The following TARDBP variants were observed in gnomAD, a reference collection of about 807,000 sequenced individuals.
TARDBP encodes TAR DNA binding protein, also known as TAR DNA-binding protein 43.
In TARDBP, 4 loss-of-function variants were observed where a neutral mutation model predicts 38.3. The observed-to-expected ratio is 0.10, with a 90% CI of 0.05 to 0.24. The LOEUF is 0.24. Among genes scored for constraint, TARDBP ranks in the 10% least tolerant of loss-of-function variants. The pLI, the probability that TARDBP is intolerant of heterozygous loss-of-function variation, is 1.00. For synonymous variants in TARDBP, 184 were observed against 183.8 expected (o/e 1.00, Z -0.01); for missense variants, 202 against 521.9 (o/e 0.39, Z 5.97).
chr1:11,013,848 C>A lies in TARDBP; in HGVS notation c.121C>A (p.Leu41Ile). Reference protein sequence around the residue: ...VTAQFPGACGLRYRNPVSQCM... With the variant: ...VTAQFPGACGIRYRNPVSQCM... Reference sequence around the variant, plus strand: ...AGCCCAGTTTCCAGGGGCGTGTGGGCTTCGCTACAGGAATCCAGTGTCTCA... The same window carrying A: ...AGCCCAGTTTCCAGGGGCGTGTGGGATTCGCTACAGGAATCCAGTGTCTCA... The change falls in exon 2 of 6, where the codon CTT becomes ATT. Residue 41 changes from leucine (L) to isoleucine (I), a missense_variant. Physicochemically the swap from Leu to Ile is conservative, Grantham distance 5. Transcript: ENST00000240185. 1 of 1,614,042 alleles carries A rather than the reference C, an allele frequency of 6.2e-7. No individual in the cohort carries two copies. Among genetic ancestry groups the A allele is most frequent in the Non-Finnish European group, 8.5e-7 (1 of 1,179,958 alleles).
At chr1:11,029,657 T>TG, downstream of TARDBP, 1 of 145,280 alleles carries the variant, frequency 6.9e-6, no homozygotes, top group South Asian at 2.2e-4. Flanking sequence ...TTTTTTTTTT[T>TG]GGATATGGAA....
Position 11,019,020 on chromosome 1 carries a change from A to G in TARDBP, c.543+147A>G, listed in dbSNP as rs2273348. The G allele has an allele frequency of 0.76, 745,224 of 982,510 alleles. 293,039 individuals carry two copies. The highest frequency in any genetic ancestry group is 0.82 in the Non-Finnish European group (507,036 of 620,072). The allele number at this position is 982,510 out of a possible 1,614,324, so 60.9% of individuals were successfully genotyped here. ...TGTTGAAGTCTTTGGCCCTTAGTGC[A>G]TGCTGAATATTTTATGCTTGTTTGA... On this transcript the variant is annotated intron_variant, in intron 4 of 5. Transcript: ENST00000240185.
In TARDBP at chr1:11,017,906, G is replaced by A. The variant is rs563793948; in HGVS notation, c.403-827G>A. ...CTCTTTTTTCTTTTTTTTTTGAGAC[G>A]GAGTCTTGCTCTGTCACCCAGGCTG... On this transcript the variant is annotated intron_variant, in intron 3 of 5. Transcript: ENST00000240185. 4.6e-4 allele frequency among the ~76,000 whole-genome samples: 69 copies of A among 149,730 alleles called. 1 individual carries two copies. The South Asian group carries it at 9.3e-3, about 20-fold the overall frequency.
intron 2 of TARDBP, 43 bp from the exon 3 acceptor site, chr1:11,016,801 G>T: frequency 6.2e-7 from 1 of 1,600,950 alleles, no homozygotes; most frequent in Non-Finnish European, 8.5e-7. Context: ...TTAAAGAAGT[G>T]CTAAGTGAAG....
At chr1:11,014,949 A>G (rs1011772042) in intron 2 of TARDBP, among the ~76,000 whole-genome samples, 37 of 152,034 alleles carry the variant, frequency 2.4e-4, no homozygotes, top group African/African-American at 6.8e-4. Flanking sequence ...AACAAAAAAA[A>G]ACGAAAACAA....
intron 2 of TARDBP, among the ~76,000 whole-genome samples, chr1:11,014,738 A>G (rs534712185): frequency 1.1e-4 from 16 of 152,284 alleles, no homozygotes; most frequent in African/African-American, 3.1e-4. Context: ...CAGGAGTTTG[A>G]GATGAGCCTG....
At chr1:11,016,712 T>TC in intron 2 of TARDBP, 132 bp from the exon 3 acceptor site, 1 of 935,892 alleles carries the variant, frequency 1.1e-6, no homozygotes, top group Non-Finnish European at 1.6e-6. Context: ...AAACATCACT[T>TC]CTTGCCAAGT....
At chr1:11,026,682 A>G (rs1643737985), downstream of TARDBP, 2 of 402,612 alleles carry the variant, frequency 5.0e-6, no homozygotes, top group African/African-American at 2.1e-5. Context: ...CTCGTGGTTT[A>G]TGTCCCCTTG....
intron 1 of TARDBP, 37 bp downstream of exon 1, chr1:11,012,780 G>A (rs1312187500): frequency 6.6e-6 from 1 of 152,372 alleles, no homozygotes; most frequent in Non-Finnish European, 1.5e-5. Flanking sequence ...GACGCCGTAG[G>A]TGCCTCGGCT....
At chr1:11,027,175 G>T, downstream of TARDBP, 1 of 1,614,140 alleles carries the variant, frequency 6.2e-7, no homozygotes, top group Non-Finnish European at 8.5e-7. Flanking sequence ...TCAACAATCG[G>T]TATGTCGACA....
chr1:11,029,118 G>A (rs556948319), downstream of TARDBP, among the ~76,000 whole-genome samples: 33 of 149,546 alleles, frequency 2.2e-4, no homozygotes, highest in African/African-American at 7.4e-4. Context: ...TCAGCCTCCC[G>A]AGTAGCTGGG....
downstream of TARDBP, chr1:11,025,833 C>A (rs377398962): frequency 6.6e-4 from 102 of 154,860 alleles, no homozygotes; most frequent in African/African-American, 2.3e-3. Flanking sequence ...GTTAACTACT[C>A]CGTAATCCAA....
chr1:11,024,470 G>A lies in TARDBP; in HGVS notation c.*1816G>A, dbSNP rs537965776. 5.9e-5 allele frequency: 9 copies of A among 152,646 alleles called. No homozygotes were observed. In the East Asian group the frequency reaches 1.5e-3, roughly 26 times the overall value. 9.5% of individuals were successfully genotyped at this position (152,646 alleles called of 1,614,324 possible). ...TCTTATTTGGGGGAGTGGGCAAAAT[G>A]TTGATTATTTTCTAATGCTTTGTAG... On this transcript the variant is annotated 3_prime_UTR_variant, in exon 6 of 6. Transcript: ENST00000240185.
chr1:11,022,353 C>T lies in TARDBP; in HGVS notation c.944C>T (p.Ala315Val). The T allele has an allele frequency of 1.2e-6, 2 of 1,613,864 alleles. No homozygotes were observed. The highest frequency in any genetic ancestry group is 1.7e-6 in the Non-Finnish European group (2 of 1,179,856). ...ATGGGTGGTGGGATGAACTTTGGTG[C>T]GTTCAGCATTAATCCAGCCATGATG... ...SNMGGGMNFG[A>V]FSINPAMMAA... The change falls in exon 6 of 6, where the codon GCG becomes GTG. Residue 315 changes from alanine (A) to valine (V), a missense_variant. By Grantham distance (64) the Ala-to-Val change is moderately conservative. This residue lies in a region of TARDBP where 107 missense variants were observed against 190.5 expected (regional missense o/e 0.56). Transcript: ENST00000240185. This position sits in a 1 kb window ranked among gnomAD's most constrained non-coding sequence, Gnocchi z 4.5.
At chr1:11,028,687 A>G (rs184625276), downstream of TARDBP, among the ~76,000 whole-genome samples, 1 of 142,414 alleles carries the variant, frequency 7.0e-6, no homozygotes, top group Non-Finnish European at 1.5e-5. Context: ...ATATATTACT[A>G]TCTTTCTGGG....
At chr1:11,028,648 A>G (rs552861316), downstream of TARDBP, among the ~76,000 whole-genome samples, 264 of 151,920 alleles carry the variant, frequency 1.7e-3, 1 homozygote, top group Non-Finnish European at 2.8e-3. Flanking sequence ...AAAAAAACTA[A>G]TTTGAGCCAA....
chr1:11,013,351 C>T (rs1300709389), intron 1 of TARDBP, among the ~76,000 whole-genome samples: 1 of 152,248 alleles, frequency 6.6e-6, no homozygotes, highest in Non-Finnish European at 1.5e-5. Context: ...CCTCCTCTGC[C>T]TTCAGGATTA....
intron 2 of TARDBP, among the ~76,000 whole-genome samples, chr1:11,016,490 G>A (rs1324079769): frequency 8.5e-5 from 13 of 152,126 alleles, no homozygotes; most frequent in Admixed American, 8.5e-4. Context: ...TGAATGTTTA[G>A]GAAAGATAAA....
At chr1:11,029,952 G>T (rs1643814038), downstream of TARDBP, 1 of 410,668 alleles carries the variant, frequency 2.4e-6, no homozygotes, top group East Asian at 4.1e-5. Context: ...TGCTTGCCTA[G>T]TTATAAGGTC....
Sources: allele counts gnomAD v4.1 joint callset (sites outside exome capture counted in the v4.1 genomes callset), GRCh38; gene constraint gnomAD v4.1.1; regional missense constraint gnomAD v4.1.1; non-coding constraint Gnocchi (gnomAD v3.1); transcripts MANE v1.5; gene names NCBI Gene and HGNC (gene_info 2026-07-23, HGNC 2026-07-21).